Variants in PDE10A observed in about 807,000 individuals in gnomAD.
The protein encoded by PDE10A is cAMP and cAMP-inhibited cGMP 3',5'-cyclic phosphodiesterase 10A.
In PDE10A, 39 loss-of-function variants were observed where a neutral mutation model predicts 97.7. That is an observed-to-expected ratio of 0.40 (90% CI 0.31 to 0.52). The LOEUF is 0.52. Among genes scored for constraint, PDE10A ranks in the 20% least tolerant of loss-of-function variants. The probability of loss-of-function intolerance (pLI) is 0.56; values close to 1 mark genes in which losing one functional copy is unlikely to be tolerated. For missense variants in PDE10A, 731 were observed against 1,047.8 expected (o/e 0.70, Z 4.17); for synonymous variants, 371 against 376.8 (o/e 0.98, Z 0.18).
chr6:165,737,232 G>C (rs888896417), intron 1 of PDE10A, among the ~76,000 whole-genome samples: 1 of 152,134 alleles, frequency 6.6e-6, no homozygotes, highest in African/African-American at 2.4e-5. Context: ...TTAATGCCAA[G>C]CCTTCTCAAA....
chr6:165,681,797 A>G (rs1790985404), intron 1 of PDE10A, among the ~76,000 whole-genome samples: 1 of 152,178 alleles, frequency 6.6e-6, no homozygotes, highest in Non-Finnish European at 1.5e-5. Flanking sequence ...AACTGCTCCT[A>G]GTCCTTCTAA....
intron 1 of PDE10A, among the ~76,000 whole-genome samples, chr6:165,918,618 C>T (rs1250527759): frequency 6.6e-6 from 1 of 152,176 alleles, no homozygotes; most frequent in Non-Finnish European, 1.5e-5. Context: ...TTGATATTGC[C>T]ATTTTGTATA....
chr6:165,680,894 C>A (rs1456020306), intron 1 of PDE10A, among the ~76,000 whole-genome samples: 2 of 152,114 alleles, frequency 1.3e-5, no homozygotes, highest in African/African-American at 4.8e-5. Flanking sequence ...AACAAACAAA[C>A]AAAAAATACT....
chr6:165,955,012 G>A (rs1168176124), intron 1 of PDE10A, among the ~76,000 whole-genome samples: 1 of 152,118 alleles, frequency 6.6e-6, no homozygotes, highest in African/African-American at 2.4e-5. Context: ...ACCTCCACAA[G>A]GATCTCCTCG....
At chr6:165,373,627 T>C (rs1382356956) in intron 18 of PDE10A, among the ~76,000 whole-genome samples, 7 of 152,138 alleles carry the variant, frequency 4.6e-5, no homozygotes, top group Non-Finnish European at 8.8e-5. Context: ...TTTTACACTG[T>C]TGGTGGGACT....
At chr6:165,814,745 A>G (rs892442697) in intron 1 of PDE10A, among the ~76,000 whole-genome samples, 2 of 152,158 alleles carry the variant, frequency 1.3e-5, no homozygotes, top group African/African-American at 4.8e-5. Flanking sequence ...GAAAATTATT[A>G]TAGTCAAATG....
chr6:165,616,769 T>C (rs1039806342), intron 1 of PDE10A, among the ~76,000 whole-genome samples: 1 of 152,128 alleles, frequency 6.6e-6, no homozygotes, highest in African/African-American at 2.4e-5. Context: ...CTCAAATAGA[T>C]GAAAATTAGA....
At chr6:165,518,437 C>G (rs114775583) in intron 2 of PDE10A, among the ~76,000 whole-genome samples, 1,585 of 152,272 alleles carry the variant, frequency 0.01, 29 homozygotes, top group African/African-American at 0.036. Context: ...ATTCTGCCCA[C>G]GACATGAATT....
intron 1 of PDE10A, among the ~76,000 whole-genome samples, chr6:165,891,920 C>G (rs6938219): frequency 0.46 from 70,106 of 150,858 alleles, 16,460 homozygotes; most frequent in East Asian, 0.66. Flanking sequence ...AATGGGGTTT[C>G]TTGCCCTTGT....
Position 165,963,852 on chromosome 6 carries a change from G to T in PDE10A, c.-615+23677C>A, listed in dbSNP as rs141099963. ...CATCCCTCCTTGGGCCTCTATCCTG[G>T]CTTGGGCCAGGCAGCCGTCTCACCT... On this transcript the variant is annotated intron_variant, in intron 1 of 19. Transcript: ENST00000366882. Among the ~76,000 whole-genome samples, 129 of 152,242 alleles carry T rather than the reference G, an allele frequency of 8.5e-4. 3 individuals are homozygous for T. The East Asian group carries it at 0.019, about 22-fold the overall frequency.
intron 1 of PDE10A, among the ~76,000 whole-genome samples, chr6:165,832,654 G>A (rs749621656): frequency 2.6e-5 from 4 of 152,146 alleles, no homozygotes; most frequent in East Asian, 1.9e-4. Flanking sequence ...CATCAAAGCC[G>A]TTTCCTCGGT....
rs58740333 is a variant in PDE10A, at chr6:165,913,273, T to TACACACACACAC, written c.-615+74244_-615+74255dup. 3.3e-3 allele frequency among the ~76,000 whole-genome samples: 483 copies of TACACACACACAC among 147,990 alleles called. 3 individuals carry two copies. The highest frequency in any genetic ancestry group is 0.011 in the African/African-American group (450 of 39,982). On this transcript the variant is annotated intron_variant, in intron 1 of 19. Coordinates refer to the PDE10A transcript ENST00000366882. ...ATGTTGAATAAGGACACTCAACTTG[T>TACACACACACAC]ACACACACACACACACACACACACA...
At chr6:165,915,887 G>C (rs1359847910) in intron 1 of PDE10A, among the ~76,000 whole-genome samples, 1 of 152,170 alleles carries the variant, frequency 6.6e-6, no homozygotes, top group African/African-American at 2.4e-5. Flanking sequence ...GATGATTATT[G>C]CTTTTACTTC....
At chr6:165,682,202 G>C (rs545308425) in intron 1 of PDE10A, among the ~76,000 whole-genome samples, 4 of 152,222 alleles carry the variant, frequency 2.6e-5, no homozygotes, top group Admixed American at 6.5e-5. Flanking sequence ...CTGCGATCAC[G>C]GCTCACTGCA....
intron 18 of PDE10A, among the ~76,000 whole-genome samples, chr6:165,370,814 A>G (rs1382118727): frequency 1.3e-5 from 2 of 150,108 alleles, no homozygotes; most frequent in African/African-American, 2.5e-5. Context: ...TCCAAAATTG[A>G]CCACATACTT....
chr6:165,916,847 A>G (rs930837338), intron 1 of PDE10A, among the ~76,000 whole-genome samples: 1 of 152,088 alleles, frequency 6.6e-6, no homozygotes, highest in African/African-American at 2.4e-5. Flanking sequence ...CAAATGAAAC[A>G]CCACGCCCTT....
At chr6:165,693,101 T>C (rs551145117) in intron 1 of PDE10A, among the ~76,000 whole-genome samples, 1 of 152,344 alleles carries the variant, frequency 6.6e-6, no homozygotes, top group East Asian at 1.9e-4. Context: ...GTTTGAAACA[T>C]TGAATCTATG....
intron 2 of PDE10A, among the ~76,000 whole-genome samples, chr6:165,533,710 T>A (rs140552386): frequency 9.2e-5 from 14 of 152,272 alleles, no homozygotes; most frequent in African/African-American, 3.4e-4. Context: ...ATAATTTAGA[T>A]GACTGTTAAA....
chr6:165,622,273 AGTGT>A lies in PDE10A; in HGVS notation c.865+39670_865+39673del, dbSNP rs113616610. ...CTGTCTCTGTATATGTGTGTTTGTG[AGTGT>A]GTGTGTGTGTGTGTGTGTATGTGCA... is the stretch of plus-strand genomic sequence containing the variant. On this transcript the variant is annotated intron_variant, in intron 1 of 21. Coordinates refer to ENST00000539869, the MANE Select transcript of PDE10A (RefSeq NM_001385079.1). Among the ~76,000 whole-genome samples the A allele has an allele frequency of 4.7e-3, 707 of 148,918 alleles. 5 individuals are homozygous for A. Among genetic ancestry groups the A allele is most frequent in the African/African-American group, 6.3e-3 (257 of 40,660 alleles).
Sources: gnomAD v4.1 joint callset for allele counts (sites outside exome capture counted in the v4.1 genomes callset) on GRCh38, gnomAD v4.1.1 for gene constraint, MANE v1.5 for transcripts, NCBI Gene and HGNC (gene_info 2026-07-23, HGNC 2026-07-21) for gene names.